SPARCL1: variants seen among roughly 807,000 people sequenced by gnomAD.
The protein encoded by SPARCL1 is SPARC like 1, also known as SPARC-like protein 1.
SPARCL1 carries 52 observed loss-of-function variants against 67.1 expected under a neutral mutation model. The ratio of observed to expected loss-of-function variants is 0.78; its 90% CI spans 0.62 to 0.98. The LOEUF is 0.98. Among genes scored for constraint, SPARCL1 ranks in the 50% least tolerant of loss-of-function variants. SPARCL1 has a pLI of 0.00. For missense variants in SPARCL1, 717 were observed against 782.4 expected (o/e 0.92, Z 1.00); for synonymous variants, 226 against 267.8 (o/e 0.84, Z 1.52).
intron 7 of SPARCL1, among the ~76,000 whole-genome samples, chr4:87,483,057 T>C (rs1293983356): frequency 6.6e-6 from 1 of 151,034 alleles, no homozygotes; most frequent in African/African-American, 2.4e-5. Context: ...CTCATTGCAG[T>C]CTCCCCAGAG....
At position 87,519,924 on chromosome 4, in the gene SPARCL1, C is replaced by A. The variant is rs1360235369; in HGVS notation, c.-12+9121G>T. Among the ~76,000 whole-genome samples the A allele has an allele frequency of 4.6e-5, 7 of 152,130 alleles. No homozygotes were observed. The East Asian group carries it at 1.4e-3, about 29-fold the overall frequency. ...AAACAGGTTGGCTGAAAGGGTGACA[C>A]ACAGCATTGGATATCACAAAGGTAG... On this transcript the variant is annotated intron_variant, in intron 1 of 10. Transcript: ENST00000282470.
At chr4:87,508,671 A>G (rs1578111052) in intron 1 of SPARCL1, among the ~76,000 whole-genome samples, 1 of 151,984 alleles carries the variant, frequency 6.6e-6, no homozygotes, top group Non-Finnish European at 1.5e-5. Flanking sequence ...GATTAGAGAG[A>G]GAGAAATCCT....
In SPARCL1 at chr4:87,473,815, C is replaced by T; in HGVS notation, c.1967-12G>A. 4.4e-6 allele frequency: 7 copies of T among 1,596,972 alleles called. No individual in the cohort carries two copies. The highest frequency in any genetic ancestry group is 6.0e-6 in the Non-Finnish European group (7 of 1,167,228). ...TTCATCTATGTCCTCTATAAAAAAA[C>T]AAGAAGCAAAATGACACTTTTAGAA... is the stretch of plus-strand genomic sequence containing the variant. On this transcript the variant is annotated splice_polypyrimidine_tract_variant and intron_variant, in intron 10 of 10. Transcript: ENST00000282470.
intron 1 of SPARCL1, among the ~76,000 whole-genome samples, chr4:87,519,074 CTT>C (rs575830674): frequency 6.9e-6 from 1 of 145,652 alleles, no homozygotes; most frequent in African/African-American, 2.5e-5. Context: ...AAGTCCCTAT[CTT>C]TTTTTTTTTT....
chr4:87,477,804 C>A lies in SPARCL1; in HGVS notation c.1966+1626G>T, dbSNP rs537541528. On this transcript the variant is annotated intron_variant, in intron 10 of 10. Transcript: ENST00000282470. ...AGGTTAGTTACTGTGAGATTCCTGA[C>A]CCTTGGAAACCGTGAGAAAGAATTT... Among the ~76,000 whole-genome samples the A allele has an allele frequency of 8.5e-5, 13 of 152,252 alleles. No individual in the cohort carries two copies. In the South Asian group the frequency reaches 2.7e-3, roughly 32 times the overall value.
intron 1 of SPARCL1, among the ~76,000 whole-genome samples, chr4:87,511,431 A>AT: frequency 6.6e-6 from 1 of 152,158 alleles, no homozygotes; most frequent in Non-Finnish European, 1.5e-5. Flanking sequence ...GAGTAGAGAT[A>AT]TCTAGTAGAT....
At chr4:87,479,665 C>A in intron 9 of SPARCL1, 87 bp from the exon 10 acceptor site, 2 of 1,303,230 alleles carry the variant, frequency 1.5e-6, no homozygotes, top group Admixed American at 3.9e-5. Context: ...ATTTTTCTCC[C>A]ATAAGGTTGC....
intron 10 of SPARCL1, among the ~76,000 whole-genome samples, chr4:87,477,105 CT>C (rs1162564222): frequency 1.3e-5 from 2 of 152,198 alleles, no homozygotes; most frequent in East Asian, 3.9e-4. Flanking sequence ...ATTTTAAGCC[CT>C]TCCTGCTCCT....
intron 10 of SPARCL1, among the ~76,000 whole-genome samples, chr4:87,478,766 T>C (rs1034687429): frequency 6.6e-6 from 1 of 152,102 alleles, no homozygotes; most frequent in Non-Finnish European, 1.5e-5. Context: ...GAAAACATAC[T>C]TGCTCATAAA....
At chr4:87,476,478 A>G (rs1174326013) in intron 10 of SPARCL1, among the ~76,000 whole-genome samples, 1 of 152,092 alleles carries the variant, frequency 6.6e-6, no homozygotes, top group African/African-American at 2.4e-5. Flanking sequence ...TAACCAGGAG[A>G]ATCCATCTTA....
chr4:87,482,323 G>A (rs573919576), intron 8 of SPARCL1, 101 bp downstream of exon 8: 84 of 1,265,628 alleles, frequency 6.6e-5, no homozygotes, highest in Non-Finnish European at 8.4e-5. Context: ...AAGCATAGTG[G>A]GCTTTTGCCA....
chr4:87,511,869 C>T (rs571355938), intron 1 of SPARCL1, among the ~76,000 whole-genome samples: 14 of 151,218 alleles, frequency 9.3e-5, no homozygotes, highest in South Asian at 8.4e-4. Flanking sequence ...AGGAGAGTAA[C>T]GTGGTAGCTT....
chr4:87,485,062 TC>T (rs1723994678), intron 7 of SPARCL1, among the ~76,000 whole-genome samples: 1 of 151,936 alleles, frequency 6.6e-6, no homozygotes, highest in African/African-American at 2.4e-5. Flanking sequence ...TTTATTTCTT[TC>T]TCTTGCCTGA....
chr4:87,473,909 A>T lies in SPARCL1; in HGVS notation c.1967-106T>A, dbSNP rs1215334473. On this transcript the variant is annotated intron_variant, in intron 10 of 10. Coordinates refer to ENST00000282470, the MANE Select transcript of SPARCL1 (RefSeq NM_004684.6). ...TAGAGAAACCATCTAATAAGGCAGTATAATGGTGATCCTCAACTTTGGTAG... is the reference window on the plus strand; with the variant it reads ...TAGAGAAACCATCTAATAAGGCAGTTTAATGGTGATCCTCAACTTTGGTAG... The T allele has an allele frequency of 8.6e-6, 6 of 695,868 alleles. No homozygotes were observed. In the South Asian group the frequency reaches 9.9e-5, roughly 12 times the overall value. 43.1% of individuals were successfully genotyped at this position (695,868 alleles called of 1,614,324 possible). A position where few individuals can be genotyped will look rare whatever the true frequency, so the allele number is the denominator to read the frequency against.
chr4:87,474,256 G>A (rs1260966090), intron 10 of SPARCL1, among the ~76,000 whole-genome samples: 1 of 152,152 alleles, frequency 6.6e-6, no homozygotes. Context: ...GAAGAAGACA[G>A]CATCCTCTAG....
At chr4:87,496,789 T>C (rs1158145251) in intron 2 of SPARCL1, among the ~76,000 whole-genome samples, 1 of 152,192 alleles carries the variant, frequency 6.6e-6, no homozygotes, top group African/African-American at 2.4e-5. Flanking sequence ...ACTGAGATTC[T>C]ATTTGGATTA....
Position 87,495,012 on chromosome 4 carries a change from G to C in SPARCL1, c.170C>G (p.Ala57Gly), listed in dbSNP as rs768078705. 8 of 1,611,788 alleles carry C rather than the reference G, an allele frequency of 5.0e-6. No individual in the cohort carries two copies. The South Asian group carries it at 7.7e-5, about 16-fold the overall frequency. The change falls in exon 3 of 11, where the codon GCA becomes GGA. Residue 57 changes from alanine (A) to glycine (G), a missense_variant. Transcript: ENST00000282470. ...AEAEENEKET[A>G]VSTEDDSHHK... Reference sequence around the variant, plus strand: ...GTGGGAATCGTCTTCTGTGGATACTGCTGTTTCTTTTTCATTTTCTTCAGC... The same window carrying C: ...GTGGGAATCGTCTTCTGTGGATACTCCTGTTTCTTTTTCATTTTCTTCAGC...
At chr4:87,496,343 C>T (rs1335245881) in intron 2 of SPARCL1, among the ~76,000 whole-genome samples, 4 of 152,142 alleles carry the variant, frequency 2.6e-5, no homozygotes, top group Non-Finnish European at 5.9e-5. Flanking sequence ...CCACTTCAGC[C>T]TCCCCAGTAA....
chr4:87,515,292 A>G (rs890363759), intron 1 of SPARCL1, among the ~76,000 whole-genome samples: 1 of 152,208 alleles, frequency 6.6e-6, no homozygotes, highest in African/African-American at 2.4e-5. Flanking sequence ...AAAACAGGAA[A>G]GGTAATATTA....
Sources: allele counts gnomAD v4.1 joint callset (sites outside exome capture counted in the v4.1 genomes callset), GRCh38; gene constraint gnomAD v4.1.1; transcripts MANE v1.5; gene names NCBI Gene and HGNC (gene_info 2026-07-23, HGNC 2026-07-21).